Variants in PLPPR1 observed in about 807,000 individuals in gnomAD.
PLPPR1 encodes the protein phospholipid phosphatase-related protein type 1.
Under a neutral mutation model 33.1 loss-of-function variants are expected in PLPPR1, and 10 were observed. The observed-to-expected ratio is 0.30, with a 90% CI of 0.19 to 0.51. The LOEUF (loss-of-function observed/expected upper bound fraction) is 0.51, where lower values mean the gene tolerates loss of function less well. Ranked by LOEUF, PLPPR1 falls within the 20% of genes least tolerant of loss-of-function variation. The pLI is 0.97. For missense variants in PLPPR1, 304 were observed against 408.1 expected (o/e 0.74, Z 2.20); for synonymous variants, 151 against 151.0 (o/e 1.00, Z 0.00).
At chr9:101,277,832 A>G (rs760054725) in intron 3 of PLPPR1, among the ~76,000 whole-genome samples, 74 of 152,212 alleles carry the variant, frequency 4.9e-4, no homozygotes, top group Non-Finnish European at 9.3e-4. Context: ...ACCAGCAAGT[A>G]CAAACAGAAA....
chr9:101,133,206 T>C (rs1157846482), intron 1 of PLPPR1, among the ~76,000 whole-genome samples: 2 of 152,232 alleles, frequency 1.3e-5, no homozygotes, highest in Non-Finnish European at 2.9e-5. Flanking sequence ...GTCTCTCTTA[T>C]ATTACACATG....
intron 2 of PLPPR1, among the ~76,000 whole-genome samples, chr9:101,256,471 C>G (rs558270268): frequency 6.6e-6 from 1 of 152,132 alleles, no homozygotes; most frequent in South Asian, 2.1e-4. Flanking sequence ...CCATATTTTT[C>G]GAGGGTTCAG....
At chr9:101,156,646 A>G (rs1357586215) in intron 1 of PLPPR1, among the ~76,000 whole-genome samples, 1 of 149,098 alleles carries the variant, frequency 6.7e-6, no homozygotes, top group Non-Finnish European at 1.5e-5. Flanking sequence ...CATACGGTAA[A>G]ATAGTTATAT....
At chr9:101,155,915 A>G (rs553414722) in intron 1 of PLPPR1, among the ~76,000 whole-genome samples, 1 of 152,236 alleles carries the variant, frequency 6.6e-6, no homozygotes, top group South Asian at 2.1e-4. Context: ...TTAAATTTCT[A>G]ATACATAGAT....
At chr9:101,313,642 G>C (rs1391910843) in intron 6 of PLPPR1, among the ~76,000 whole-genome samples, 1 of 152,118 alleles carries the variant, frequency 6.6e-6, no homozygotes, top group African/African-American at 2.4e-5. Flanking sequence ...CAAATAGATG[G>C]AGGTCTGGCC....
intron 1 of PLPPR1, among the ~76,000 whole-genome samples, chr9:101,171,189 G>A (rs577747901): frequency 2.6e-5 from 4 of 152,218 alleles, no homozygotes; most frequent in Admixed American, 2.6e-4. Flanking sequence ...TCCAGGCAGG[G>A]ATTCAGGATT....
At chr9:101,321,832 A>G (rs865826969) in intron 7 of PLPPR1, among the ~76,000 whole-genome samples, 1 of 148,240 alleles carries the variant, frequency 6.7e-6, no homozygotes, top group African/African-American at 2.5e-5. Context: ...ACATACATAC[A>G]TATCATTTAA....
chr9:101,209,979 G>A (rs1032430292), intron 2 of PLPPR1, among the ~76,000 whole-genome samples: 1 of 152,324 alleles, frequency 6.6e-6, no homozygotes, highest in East Asian at 1.9e-4. Context: ...TGAAAAATGA[G>A]CCATACTTCC....
chr9:101,261,472 G>A lies in PLPPR1; in HGVS notation c.64-8408G>A, dbSNP rs186477577. The stretch of plus-strand genomic sequence containing the variant: ...GCACCTCTTTAGTCCTTAAAGAAGA[G>A]GGGATGAATTCTCATATACACACTG... On this transcript the variant is annotated intron_variant, in intron 2 of 7. Transcript: ENST00000374874. Among the ~76,000 whole-genome samples, 234 of 152,246 alleles carry A rather than the reference G, an allele frequency of 1.5e-3. 1 individual carries two copies. The highest frequency in any genetic ancestry group is 2.5e-3 in the South Asian group (12 of 4,822).
chr9:101,231,130 G>T (rs1827175711), intron 2 of PLPPR1, among the ~76,000 whole-genome samples: 1 of 151,818 alleles, frequency 6.6e-6, no homozygotes, highest in Admixed American at 6.6e-5. Context: ...GCAGAAGAGG[G>T]GTTTGAACTG....
At chr9:101,296,387 G>T (rs910175882) in intron 4 of PLPPR1, among the ~76,000 whole-genome samples, 1 of 151,528 alleles carries the variant, frequency 6.6e-6, no homozygotes, top group African/African-American at 2.5e-5. Context: ...GGAAGTCAGT[G>T]TGGCAATTCC....
At chr9:101,323,512 ATT>A (rs1254891269) in intron 7 of PLPPR1, among the ~76,000 whole-genome samples, 2 of 149,884 alleles carry the variant, frequency 1.3e-5, no homozygotes, top group African/African-American at 2.5e-5. Flanking sequence ...AAGTTATCCT[ATT>A]TTGGATGAAA....
chr9:101,279,049 A>G (rs1423333892), intron 3 of PLPPR1, among the ~76,000 whole-genome samples: 1 of 152,226 alleles, frequency 6.6e-6, no homozygotes, highest in Non-Finnish European at 1.5e-5. Flanking sequence ...AAAACATGAT[A>G]TCACCAAAGG....
chr9:101,070,285 G>C (rs187265844), intron 1 of PLPPR1, among the ~76,000 whole-genome samples: 1 of 152,064 alleles, frequency 6.6e-6, no homozygotes, highest in South Asian at 2.1e-4. Flanking sequence ...GTATGGACTC[G>C]TAGATGTTTA....
chr9:101,292,484 A>C (rs1828530494), intron 4 of PLPPR1, among the ~76,000 whole-genome samples: 1 of 152,186 alleles, frequency 6.6e-6, no homozygotes, highest in African/African-American at 2.4e-5. Context: ...CAAGACACAT[A>C]ATTGTCAGAT....
chr9:101,076,361 T>A (rs567435588), intron 1 of PLPPR1, among the ~76,000 whole-genome samples: 2 of 152,298 alleles, frequency 1.3e-5, no homozygotes, highest in Non-Finnish European at 2.9e-5. Context: ...AACTTTGGCC[T>A]TTGTGAGAAG....
chr9:101,064,364 G>T (rs141828371), intron 1 of PLPPR1, among the ~76,000 whole-genome samples: 1 of 151,794 alleles, frequency 6.6e-6, no homozygotes, highest in African/African-American at 2.4e-5. Flanking sequence ...ATGAATGAAT[G>T]AATGAATGAA....
chr9:101,279,644 C>A (rs1018484607), intron 3 of PLPPR1, among the ~76,000 whole-genome samples: 4 of 151,942 alleles, frequency 2.6e-5, no homozygotes, highest in African/African-American at 9.7e-5. Flanking sequence ...TGGAATAAAA[C>A]TAATAATCAA....
rs1302413369 is a variant in PLPPR1 at position 101,266,404 on chromosome 9, A to AAAAG, written c.64-3456_64-3453dup. On this transcript the variant is annotated intron_variant, in intron 2 of 7. Coordinates refer to ENST00000374874, the MANE Select transcript of PLPPR1 (RefSeq NM_207299.2). ...GAATGAGACCCTGTCTCCAAAAAAA[A>AAAAG]AAAGAAAGAAAGAAAGAAAGAAATA... 1.8e-3 allele frequency among the ~76,000 whole-genome samples: 272 copies of AAAAG among 149,974 alleles called. 3 individuals are homozygous for AAAAG. The highest frequency in any genetic ancestry group is 3.4e-3 in the Middle Eastern group (1 of 290).
Sources: allele counts gnomAD v4.1 joint callset (sites outside exome capture counted in the v4.1 genomes callset), GRCh38; gene constraint gnomAD v4.1.1; transcripts MANE v1.5; gene names NCBI Gene and HGNC (gene_info 2026-07-23, HGNC 2026-07-21).